Variants in CCDC7 observed in about 807,000 individuals in gnomAD.
The protein encoded by CCDC7 is coiled-coil domain-containing protein 7.
In CCDC7, 183 loss-of-function variants were observed where a neutral mutation model predicts 196.9. The observed-to-expected ratio is 0.93, with a 90% CI of 0.82 to 1.05. The LOEUF is 1.05. Among genes scored for constraint, CCDC7 ranks in the 50% least tolerant of loss-of-function variants. The probability of loss-of-function intolerance (pLI) is 0.00; values close to 1 mark genes in which losing one functional copy is unlikely to be tolerated. For synonymous variants in CCDC7, 525 were observed against 484.6 expected, an observed-to-expected ratio of 1.08 and a Z score of -1.10; for missense variants, 1,540 against 1,482.2, an observed-to-expected ratio of 1.04 and a Z score of -0.64.
At chr10:32,652,488 TCTTA>T in intron 20 of CCDC7, among the ~76,000 whole-genome samples, 1 of 152,278 alleles carries the variant, frequency 6.6e-6, no homozygotes, top group Admixed American at 6.5e-5. Context: ...ATCTTCTCTT[TCTTA>T]CTTTCTGTCT....
intron 25 of CCDC7, chr10:32,725,319 C>G (rs758615920): frequency 4.2e-6 from 2 of 470,712 alleles, no homozygotes; most frequent in Non-Finnish European, 4.4e-6. Context: ...CAAAAACAAA[C>G]CTACTAAAAG....
At chr10:32,591,668 T>C (rs1464102793) in intron 18 of CCDC7, among the ~76,000 whole-genome samples, 4 of 152,170 alleles carry the variant, frequency 2.6e-5, no homozygotes, top group African/African-American at 9.6e-5. Flanking sequence ...TCACCTTCAC[T>C]AAAAGGCAGA....
intron 18 of CCDC7, among the ~76,000 whole-genome samples, chr10:32,599,797 C>T (rs1466304733): frequency 6.6e-6 from 1 of 152,066 alleles, no homozygotes; most frequent in Non-Finnish European, 1.5e-5. Context: ...TTCTTAAATA[C>T]CTCACCCATT....
chr10:32,633,490 C>T (rs187574287), intron 18 of CCDC7, among the ~76,000 whole-genome samples: 141 of 152,200 alleles, frequency 9.3e-4, no homozygotes, highest in African/African-American at 3.2e-3. Context: ...TAGCTCATAG[C>T]ACTAGAAAAA....
intron 18 of CCDC7, among the ~76,000 whole-genome samples, chr10:32,593,862 T>C (rs1590279397): frequency 6.6e-6 from 1 of 152,182 alleles, no homozygotes; most frequent in Admixed American, 6.5e-5. Flanking sequence ...TGGTTTTCAA[T>C]GTGTGATATT....
intron 28 of CCDC7, among the ~76,000 whole-genome samples, chr10:32,769,294 TA>T (rs149070607): frequency 0.046 from 6,936 of 152,158 alleles, 535 homozygotes; most frequent in African/African-American, 0.16. Flanking sequence ...TGTGAGCATA[TA>T]GTTATTCATG....
chr10:32,705,538 G>C (rs575249113), intron 24 of CCDC7, among the ~76,000 whole-genome samples: 1 of 152,216 alleles, frequency 6.6e-6, no homozygotes, highest in Admixed American at 6.5e-5. Flanking sequence ...TGGATAAAGA[G>C]TCAAGACCCA....
chr10:32,669,127 G>C (rs1200896366), intron 21 of CCDC7, among the ~76,000 whole-genome samples: 1 of 151,892 alleles, frequency 6.6e-6, no homozygotes, highest in Non-Finnish European at 1.5e-5. Flanking sequence ...GAATTTTACT[G>C]GATGTTTTTT....
chr10:32,661,270 A>G (rs2071368241), intron 20 of CCDC7, among the ~76,000 whole-genome samples: 1 of 149,792 alleles, frequency 6.7e-6, no homozygotes, highest in East Asian at 2.0e-4. Flanking sequence ...AACCACAATG[A>G]GATACCATCT....
At chr10:32,699,205 TC>T (rs1195660314) in intron 24 of CCDC7, among the ~76,000 whole-genome samples, 5 of 75,118 alleles carry the variant, frequency 6.7e-5, no homozygotes, top group African/African-American at 2.2e-4. Context: ...CCCTCCCCCC[TC>T]CCCCCACCCC....
intron 21 of CCDC7, among the ~76,000 whole-genome samples, chr10:32,681,334 GTTTC>G (rs2075821492): frequency 6.6e-6 from 1 of 152,090 alleles, no homozygotes; most frequent in South Asian, 2.1e-4. Context: ...ACTGAGAAAA[GTTTC>G]TTTAAGGATT....
exon 12 of CCDC7, chr10:32,543,302 A>C (rs1453344803): frequency 7.0e-7 from 1 of 1,432,422 alleles, no homozygotes; most frequent in Non-Finnish European, 9.3e-7. Context: ...TTATACAGAA[A>C]ACTAAGCCTA....
intron 32 of CCDC7, among the ~76,000 whole-genome samples, chr10:32,825,026 T>C (rs926564512): frequency 6.6e-6 from 1 of 152,208 alleles, no homozygotes; most frequent in Non-Finnish European, 1.5e-5. Flanking sequence ...AAATTGACAA[T>C]GTTTCAGCCA....
intron 11 of CCDC7, 70 bp from the exon 13 acceptor site, chr10:32,543,230 T>C: frequency 8.2e-7 from 1 of 1,224,720 alleles, no homozygotes; most frequent in Non-Finnish European, 1.1e-6. Flanking sequence ...TAATAATGTA[T>C]ATTATCATAT....
In CCDC7 at chr10:32,453,329, A is replaced by ATTT; in HGVS notation, c.280-7_280-5dup. 1 of 1,223,776 alleles carries ATTT rather than the reference A, an allele frequency of 8.2e-7. No homozygotes were observed. Among genetic ancestry groups the ATTT allele is most frequent in the African/African-American group, 1.6e-5 (1 of 63,374 alleles). The allele number at this position is 1,223,776 out of a possible 1,614,324, so 75.8% of individuals were successfully genotyped here. On this transcript the variant is annotated splice_polypyrimidine_tract_variant and intron_variant, in intron 1 of 41. Coordinates refer to ENST00000639629, the Ensembl canonical transcript of CCDC7. Reference sequence around the variant, plus strand: ...CTATTAAAGTATCTAATTGGCTTTTATTTTTTTTTTACAGGTTGTTTCCAC... The same window carrying ATTT: ...CTATTAAAGTATCTAATTGGCTTTTATTTTTTTTTTTTTACAGGTTGTTTCCAC...
intron 8 of CCDC7, among the ~76,000 whole-genome samples, chr10:32,482,520 T>A (rs559596986): frequency 6.6e-6 from 1 of 152,310 alleles, no homozygotes; most frequent in Admixed American, 6.5e-5. Context: ...TATTATACTT[T>A]AAGTTTTAGG....
intron 21 of CCDC7, among the ~76,000 whole-genome samples, chr10:32,665,533 C>T (rs1449504519): frequency 6.6e-6 from 1 of 151,982 alleles, no homozygotes; most frequent in Non-Finnish European, 1.5e-5. Context: ...ATGTGGATAT[C>T]TAGTTTTTCA....
At chr10:32,624,613 C>CATAG (rs769455688) in intron 18 of CCDC7, among the ~76,000 whole-genome samples, 21 of 152,172 alleles carry the variant, frequency 1.4e-4, no homozygotes, top group Admixed American at 2.6e-4. Flanking sequence ...GTTTCTTATC[C>CATAG]ATAGAGTCAT....
chr10:32,803,205 A>G (rs2135100092), intron 29 of CCDC7, among the ~76,000 whole-genome samples: 1 of 152,352 alleles, frequency 6.6e-6, no homozygotes, highest in Non-Finnish European at 1.5e-5. Context: ...AGTGATGAGA[A>G]TGTGTATTCA....
Sources: gnomAD v4.1 joint callset for allele counts (sites outside exome capture counted in the v4.1 genomes callset) on GRCh38, gnomAD v4.1.1 for gene constraint, MANE v1.5 for transcripts, NCBI Gene and HGNC (gene_info 2026-07-23, HGNC 2026-07-21) for gene names.